ADD2: variants seen among roughly 807,000 people sequenced by gnomAD.
ADD2 encodes the protein adducin 2.
ADD2 carries 23 observed loss-of-function variants against 83.0 expected under a neutral mutation model. The ratio of observed to expected loss-of-function variants is 0.28; its 90% CI spans 0.20 to 0.39. The LOEUF (loss-of-function observed/expected upper bound fraction) is 0.39, where lower values mean the gene tolerates loss of function less well. Ranked by LOEUF, ADD2 falls within the 10% of genes least tolerant of loss-of-function variation. The pLI is 1.00. For synonymous variants in ADD2, 375 were observed against 375.4 expected (o/e 1.00, Z 0.01); for missense variants, 758 against 944.9 (o/e 0.80, Z 2.59).
At chr2:70,689,155 G>A (rs1670898301) in intron 8 of ADD2, among the ~76,000 whole-genome samples, 1 of 152,182 alleles carries the variant, frequency 6.6e-6, no homozygotes, top group African/African-American at 2.4e-5. Flanking sequence ...TGAACTAGAA[G>A]CCAGGGGTTC....
chr2:70,730,403 T>C (rs991782018), intron 1 of ADD2, among the ~76,000 whole-genome samples: 4 of 152,216 alleles, frequency 2.6e-5, no homozygotes, highest in Non-Finnish European at 4.4e-5. Flanking sequence ...AGTTAAACAC[T>C]GACCTAACAA....
chr2:70,681,326 C>A (rs1670438314), intron 10 of ADD2, among the ~76,000 whole-genome samples: 1 of 152,174 alleles, frequency 6.6e-6, no homozygotes, highest in Non-Finnish European at 1.5e-5. Flanking sequence ...TCAGTATCAC[C>A]CATACCTTAG....
At chr2:70,747,343 G>A (rs1334745800) in intron 1 of ADD2, among the ~76,000 whole-genome samples, 3 of 152,078 alleles carry the variant, frequency 2.0e-5, no homozygotes, top group East Asian at 1.9e-4. Flanking sequence ...CAAGAAAGCT[G>A]AACCTCAAGA....
At chr2:70,761,296 G>A (rs190452354) in intron 1 of ADD2, among the ~76,000 whole-genome samples, 17 of 151,576 alleles carry the variant, frequency 1.1e-4, no homozygotes, top group African/African-American at 4.1e-4. Flanking sequence ...AAAAGTTAGT[G>A]GGGGTAGATG....
At chr2:70,668,338 C>A (rs1472030722) in intron 15 of ADD2, among the ~76,000 whole-genome samples, 2 of 152,206 alleles carry the variant, frequency 1.3e-5, no homozygotes, top group African/African-American at 4.8e-5. Flanking sequence ...CCATGCCACT[C>A]CTGTCTGCCG....
intron 6 of ADD2, 123 bp downstream of exon 6, chr2:70,695,598 C>T (rs1671266715): frequency 1.2e-5 from 10 of 821,020 alleles, no homozygotes. Context: ...TCTTCTCTGC[C>T]CTATCAGATT....
At position 70,673,242 on chromosome 2, in the gene ADD2, AAT is replaced by A. The variant is rs782454749; in HGVS notation, c.1742-238_1742-237del. ...TTTCCTTCATCAAAACACACCTACC[AAT>A]ATGTTACTCCAGATGTGGAGGGCAA... On this transcript the variant is annotated intron_variant, in intron 14 of 15. Coordinates refer to ENST00000264436, the MANE Select transcript of ADD2 (RefSeq NM_001617.4). 64 of 1,614,020 alleles carry A rather than the reference AAT, an allele frequency of 4.0e-5. No individual in the cohort carries two copies. The Middle Eastern group carries it at 6.6e-4, about 17-fold the overall frequency.
intron 1 of ADD2, among the ~76,000 whole-genome samples, chr2:70,719,928 G>C (rs529367297): frequency 1.4e-4 from 21 of 152,236 alleles, no homozygotes; most frequent in African/African-American, 5.1e-4. Flanking sequence ...CATGTGACAG[G>C]ATTGTCTTGT....
At chr2:70,721,146 G>C (rs371027940) in intron 1 of ADD2, among the ~76,000 whole-genome samples, 8 of 152,118 alleles carry the variant, frequency 5.3e-5, no homozygotes, top group African/African-American at 1.9e-4. Context: ...CTATATGTTG[G>C]ATCTCTGCTC....
chr2:70,709,318 T>G (rs1553375069), intron 2 of ADD2, among the ~76,000 whole-genome samples: 1 of 139,022 alleles, frequency 7.2e-6, no homozygotes. Flanking sequence ...CTGCTGGGAG[T>G]GGGAGCCAAA....
intron 4 of ADD2, among the ~76,000 whole-genome samples, chr2:70,697,804 G>A (rs1399382641): frequency 1.3e-5 from 2 of 152,176 alleles, no homozygotes; most frequent in South Asian, 2.1e-4. Context: ...TACAAAAAGC[G>A]AGGGCAGACT....
chr2:70,671,652 T>A (rs961723759), intron 15 of ADD2, among the ~76,000 whole-genome samples: 1 of 152,158 alleles, frequency 6.6e-6, no homozygotes, highest in Non-Finnish European at 1.5e-5. Context: ...TGGAGACAGG[T>A]TGACAACACC....
chr2:70,742,667 G>A (rs1673977274), intron 1 of ADD2, among the ~76,000 whole-genome samples: 3 of 152,118 alleles, frequency 2.0e-5, no homozygotes, highest in Admixed American at 6.5e-5. Context: ...ATGCCGCAAA[G>A]AAAACAAAGT....
At chr2:70,741,617 C>T (rs1673913545) in intron 1 of ADD2, among the ~76,000 whole-genome samples, 1 of 152,192 alleles carries the variant, frequency 6.6e-6, no homozygotes, top group African/African-American at 2.4e-5. Flanking sequence ...AAAATATGAA[C>T]AAACGTTCTT....
At position 70,679,174 on chromosome 2, in the gene ADD2, C is replaced by G. The variant is rs75132114; in HGVS notation, c.1126-213G>C. Among the ~76,000 whole-genome samples, 834 of 152,316 alleles carry G rather than the reference C, an allele frequency of 5.5e-3. 5 individuals carry two copies. Among genetic ancestry groups the G allele is most frequent in the Non-Finnish European group, 8.1e-3 (550 of 68,032 alleles). ...CATCCCCTCTCTTTCTCTACCCCAA[C>G]AAGTCCTCTGATCAGGGCTGAGAAA... On this transcript the variant is annotated intron_variant, in intron 10 of 15. Transcript: ENST00000264436.
At chr2:70,667,520 T>G (rs1363887300) in intron 15 of ADD2, among the ~76,000 whole-genome samples, 1 of 152,064 alleles carries the variant, frequency 6.6e-6, no homozygotes, top group Non-Finnish European at 1.5e-5. Context: ...AATGAACATG[T>G]GGTGGTTAAT....
chr2:70,681,848 A>T (rs1376350398), intron 10 of ADD2, among the ~76,000 whole-genome samples: 9 of 152,138 alleles, frequency 5.9e-5, no homozygotes, highest in Admixed American at 1.3e-4. Flanking sequence ...TGTTTTGTTT[A>T]AAAGTTTAAT....
rs536358060 is a variant in ADD2, at chr2:70,767,831, G to T, written c.-154+55C>A. On this transcript the variant is annotated intron_variant, in intron 1 of 15. Coordinates refer to ENST00000264436, the MANE Select transcript of ADD2 (RefSeq NM_001617.4). Reference sequence around the variant, plus strand: ...GGCCGAGGGATGCCAGGGTCTCCGCGCCAGGAGACCAGCGACCCCAGGCAG... The same window carrying T: ...GGCCGAGGGATGCCAGGGTCTCCGCTCCAGGAGACCAGCGACCCCAGGCAG... 340 of 1,531,456 alleles carry T rather than the reference G, an allele frequency of 2.2e-4. 1 individual carries two copies. The African/African-American group carries it at 3.5e-3, about 16-fold the overall frequency. The allele number at this position is 1,531,456 out of a possible 1,614,324, so 94.9% of individuals were successfully genotyped here. A position where few individuals can be genotyped will look rare whatever the true frequency, so the allele number is the denominator to read the frequency against.
At chr2:70,745,456 G>A (rs1263580394) in intron 1 of ADD2, among the ~76,000 whole-genome samples, 1 of 152,146 alleles carries the variant, frequency 6.6e-6, no homozygotes, top group Non-Finnish European at 1.5e-5. Flanking sequence ...TGAGAGGAGG[G>A]CTTCAGAGTG....
Sources: gnomAD v4.1 joint callset for allele counts (sites outside exome capture counted in the v4.1 genomes callset) on GRCh38, gnomAD v4.1.1 for gene constraint, MANE v1.5 for transcripts, NCBI Gene and HGNC (gene_info 2026-07-23, HGNC 2026-07-21) for gene names.